TRIM54: variants seen among roughly 807,000 people sequenced by gnomAD.
TRIM54 encodes the protein tripartite motif-containing protein 54.
A neutral mutation model predicts 42.0 loss-of-function variants in TRIM54; 40 were observed. The ratio of observed to expected loss-of-function variants is 0.95; its 90% CI spans 0.74 to 1.24. The LOEUF (loss-of-function observed/expected upper bound fraction) is 1.24, where lower values mean the gene tolerates loss of function less well. Ranked by LOEUF, TRIM54 falls within the 50% of genes most tolerant of loss-of-function variation. The pLI, the probability that TRIM54 is intolerant of heterozygous loss-of-function variation, is 0.00. For synonymous variants in TRIM54, 199 were observed against 194.9 expected, an observed-to-expected ratio of 1.02 and a Z score of -0.17; for missense variants, 485 against 480.3, an observed-to-expected ratio of 1.01 and a Z score of -0.09.
chr2:27,303,685 G>A (rs929559205), intron 3 of TRIM54, among the ~76,000 whole-genome samples: 4 of 152,252 alleles, frequency 2.6e-5, no homozygotes, highest in South Asian at 2.1e-4. Flanking sequence ...ATTTAGGCCC[G>A]TAGGTATTCC....
Position 27,287,009 on chromosome 2 carries a change from A to C in TRIM54, c.168+4110A>C, listed in dbSNP as rs1678585812. Among the ~76,000 whole-genome samples, 4 of 152,116 alleles carry C rather than the reference A, an allele frequency of 2.6e-5. No individual in the cohort carries two copies. The South Asian group carries it at 8.3e-4, about 32-fold the overall frequency. On this transcript the variant is annotated intron_variant, in intron 1 of 8. Coordinates refer to ENST00000380075, the MANE Select transcript of TRIM54 (RefSeq NM_187841.3). ...CACTAAAATTTTGTGAATTGCATTA[A>C]ATTTGTAGCAGGGTTAGGGCTCTTA...
At chr2:27,302,169 G>A (rs1199675601) in intron 3 of TRIM54, among the ~76,000 whole-genome samples, 1 of 151,220 alleles carries the variant, frequency 6.6e-6, no homozygotes, top group African/African-American at 2.4e-5. Flanking sequence ...TAAATAAATA[G>A]GCCAGGCGCG....
In TRIM54 at chr2:27,299,339, T is replaced by G; in HGVS notation, c.436T>G (p.Cys146Gly). 3.7e-6 allele frequency: 6 copies of G among 1,614,154 alleles called. No individual in the cohort carries two copies. The highest frequency in any genetic ancestry group is 5.1e-6 in the Non-Finnish European group (6 of 1,180,022). Residue 146 changes from cysteine (C) to glycine (G), a missense_variant, in exon 3 of 9, where the codon TGC becomes GGC. Transcript: ENST00000380075. ...CTGCCTGAGCTGTGAGGTGCCCACC[T>G]GCTCTCTCTGCAAGGTCTTCGGTGC... The part of the protein sequence containing the change: ...IYCLSCEVPT[C>G]SLCKVFGAHK...
chr2:27,302,044 C>A (rs1233411235), intron 3 of TRIM54, among the ~76,000 whole-genome samples: 1 of 152,070 alleles, frequency 6.6e-6, no homozygotes, highest in African/African-American at 2.4e-5. Context: ...ATCCCAGCTA[C>A]TTGGGAGGCT....
In TRIM54 at chr2:27,299,383, G is replaced by T. The variant is rs1436828229; in HGVS notation, c.480G>T (p.Val160=). The change falls in exon 3 of 9, where the codon GTG becomes GTT. Residue 160 remains valine, a synonymous_variant. Coordinates refer to ENST00000380075, the MANE Select transcript of TRIM54 (RefSeq NM_187841.3). The part of the protein sequence containing the change: ...KVFGAHKDCE[V]APLPTIYKRQ... The stretch of plus-strand genomic sequence containing the variant: ...TCGGTGCCCACAAGGACTGTGAGGT[G>T]GCCCCACTGCCCACCATTTACAAAC... 6.2e-7 allele frequency: 1 copy of T among 1,614,070 alleles called. No individual in the cohort carries two copies. The highest frequency in any genetic ancestry group is 2.2e-5 in the East Asian group (1 of 44,878).
rs771987870 is a variant in TRIM54 at position 27,306,353 on chromosome 2, G to C, written c.991+16G>C. Reference sequence around the variant, plus strand: ...TTCCAGCCAGGTGAAGGAGGTGGCCGAGGGCCGCTGAGACGGGTTCGGACC... The same window carrying C: ...TTCCAGCCAGGTGAAGGAGGTGGCCCAGGGCCGCTGAGACGGGTTCGGACC... On this transcript the variant is annotated intron_variant, in intron 7 of 8. Coordinates refer to ENST00000380075, the MANE Select transcript of TRIM54 (RefSeq NM_187841.3). This position sits in a 1 kb window ranked among gnomAD's most constrained non-coding sequence, Gnocchi z 6.1. 1.2e-6 allele frequency: 2 copies of C among 1,613,884 alleles called. No homozygotes were observed. The highest frequency in any genetic ancestry group is 1.3e-5 in the African/African-American group (1 of 74,954).
At chr2:27,299,717 A>ATCG (rs1678978827) in intron 3 of TRIM54, 4 of 307,630 alleles carry the variant, frequency 1.3e-5, no homozygotes, top group Middle Eastern at 1.1e-3. Context: ...TCTATCTATC[A>ATCG]TATTTTGAGA....
At position 27,305,637 on chromosome 2, in the gene TRIM54, C is replaced by A. The variant is rs762520646; in HGVS notation, c.663C>A (p.Cys221Ter). The A allele has an allele frequency of 1.9e-6, 3 of 1,613,560 alleles. No individual in the cohort carries two copies. The highest frequency in any genetic ancestry group is 1.6e-4 in the Middle Eastern group (1 of 6,082). Reference sequence around the variant, plus strand: ...TAAACCAGAGGTTTGAGAGCCTGTGCGCAGTGCTGGAGGAGCGCAAGGGTG... The same window carrying A: ...TAAACCAGAGGTTTGAGAGCCTGTGAGCAGTGCTGGAGGAGCGCAAGGGTG... ...QLLNQRFESL[C>*]AVLEERKGEL... is the part of the protein sequence containing the mutation. Residue 221 changes from cysteine to a stop codon, truncating the protein, a stop_gained, in exon 5 of 9, where the codon TGC (cysteine) becomes TGA (stop). Coordinates refer to ENST00000380075, the MANE Select transcript of TRIM54 (RefSeq NM_187841.3). LOFTEE classifies it high-confidence loss of function.
chr2:27,300,467 C>T (rs377745123), intron 3 of TRIM54, among the ~76,000 whole-genome samples: 2 of 149,482 alleles, frequency 1.3e-5, no homozygotes, highest in African/African-American at 4.9e-5. Flanking sequence ...CCCCTGCGCC[C>T]GAACCTAATT....
rs756771152 is a variant in TRIM54, at chr2:27,289,860, C to CTT, written c.168+6989_168+6990dup. Among the ~76,000 whole-genome samples, 324 of 100,640 alleles carry CTT rather than the reference C, an allele frequency of 3.2e-3. 3 individuals are homozygous for CTT. Among genetic ancestry groups the CTT allele is most frequent in the Non-Finnish European group, 4.5e-3 (226 of 50,364 alleles). The allele number at this position is 100,640 out of a possible 152,430, so 66.0% of individuals were successfully genotyped here. A position where few individuals can be genotyped will look rare whatever the true frequency, so the allele number is the denominator to read the frequency against. On this transcript the variant is annotated intron_variant, in intron 1 of 8. Coordinates refer to ENST00000380075, the MANE Select transcript of TRIM54 (RefSeq NM_187841.3). ...AGTGAGACACTATCTCTCTCTTTCT[C>CTT]TTTTTTTTTTTTTTTTTTTTTTTTT... is the stretch of plus-strand genomic sequence containing the variant.
chr2:27,290,737 G>T (rs1678697651), intron 1 of TRIM54, among the ~76,000 whole-genome samples: 1 of 152,228 alleles, frequency 6.6e-6, no homozygotes, highest in South Asian at 2.1e-4. Context: ...AAACAGCTGT[G>T]ATTTCCGTTG....
intron 1 of TRIM54, 38 bp from the exon 2 acceptor site, chr2:27,298,529 T>C: frequency 6.3e-7 from 1 of 1,579,738 alleles, no homozygotes; most frequent in Non-Finnish European, 8.7e-7. Context: ...CCTTCATGCC[T>C]CCCCGTGCCT....
chr2:27,289,227 T>C (rs1347260453), intron 1 of TRIM54, among the ~76,000 whole-genome samples: 6 of 152,194 alleles, frequency 3.9e-5, no homozygotes, highest in Non-Finnish European at 8.8e-5. Flanking sequence ...ACAATATTTC[T>C]AAATGCATGC....
intron 4 of TRIM54, 50 bp downstream of exon 4, chr2:27,305,104 A>G: frequency 6.6e-7 from 1 of 1,513,100 alleles, no homozygotes; most frequent in Non-Finnish European, 9.1e-7. Context: ...TAGCCTGCGG[A>G]CCCCGGGCTC....
chr2:27,304,691 C>T (rs1159309321), intron 3 of TRIM54: 1 of 398,562 alleles, frequency 2.5e-6, no homozygotes, highest in Non-Finnish European at 4.6e-6. Context: ...GATAAAGTAT[C>T]TAGCCCAGTG....
intron 1 of TRIM54, among the ~76,000 whole-genome samples, chr2:27,285,891 CAA>C (rs1329075925): frequency 6.6e-6 from 1 of 151,848 alleles, no homozygotes; most frequent in Non-Finnish European, 1.5e-5. Context: ...TTTATAAGAC[CAA>C]GTTAACTAGA....
At chr2:27,285,953 G>A (rs895057597) in intron 1 of TRIM54, among the ~76,000 whole-genome samples, 1 of 152,246 alleles carries the variant, frequency 6.6e-6, no homozygotes, top group South Asian at 2.1e-4. Flanking sequence ...TACTGGCTAC[G>A]TAAGGTGGCT....
chr2:27,283,773 C>CGT (rs1229586755), intron 1 of TRIM54, among the ~76,000 whole-genome samples: 1 of 101,640 alleles, frequency 9.8e-6, no homozygotes, highest in African/African-American at 5.4e-5. Flanking sequence ...GGCACACACA[C>CGT]ACACACGCGC....
At position 27,305,647 on chromosome 2, in the gene TRIM54, G is replaced by A. The variant is rs752673119; in HGVS notation, c.673G>A (p.Glu225Lys). ...GTTTGAGAGCCTGTGCGCAGTGCTG[G>A]AGGAGCGCAAGGGTGAGCTGCTGCA... ...QRFESLCAVLEERKGELLQAL... is the reference protein window; with the variant it reads ...QRFESLCAVLKERKGELLQAL... Residue 225 changes from glutamate (E) to lysine (K), a missense_variant, in exon 5 of 9, where the codon GAG becomes AAG. Physicochemically the swap from Glu to Lys is moderately conservative, Grantham distance 56. Transcript: ENST00000380075. The A allele has an allele frequency of 6.2e-7, 1 of 1,613,756 alleles. No individual in the cohort carries two copies. Among genetic ancestry groups the A allele is most frequent in the South Asian group, 1.1e-5 (1 of 91,026 alleles).
Sources: gnomAD v4.1 joint callset for allele counts (sites outside exome capture counted in the v4.1 genomes callset) on GRCh38, gnomAD v4.1.1 for gene constraint, Gnocchi (gnomAD v3.1) non-coding constraint, MANE v1.5 for transcripts, NCBI Gene and HGNC (gene_info 2026-07-23, HGNC 2026-07-21) for gene names.